The following COL1A2 variants were observed in gnomAD, a reference collection of about 807,000 sequenced individuals.
COL1A2 encodes the protein collagen type I alpha 2 chain, also known as collagen alpha-2(I) chain.
Under a neutral mutation model 174.3 loss-of-function variants are expected in COL1A2, and 49 were observed. The ratio of observed to expected loss-of-function variants is 0.28; its 90% CI spans 0.22 to 0.36. COL1A2 has a LOEUF of 0.36. Ranked by LOEUF, COL1A2 falls within the 10% of genes least tolerant of loss-of-function variation. The pLI is 1.00. For missense variants in COL1A2, 1,438 were observed against 1,822.7 expected (o/e 0.79, Z 3.84); for synonymous variants, 655 against 606.6 (o/e 1.08, Z -1.17).
chr7:94,412,641 G>C lies in COL1A2; in HGVS notation c.1462G>C (p.Glu488Gln). 2.5e-6 allele frequency: 4 copies of C among 1,614,158 alleles called. No individual in the cohort carries two copies. Among genetic ancestry groups the C allele is most frequent in the Non-Finnish European group, 3.4e-6 (4 of 1,180,042 alleles). Residue 488 changes from glutamate to glutamine, a missense_variant, in exon 25 of 52, where the codon GAG becomes CAG. Around this residue, in one of 3 missense-constraint regions of COL1A2, gnomAD observed 867 missense variants for 1,213.7 expected, o/e 0.71. Coordinates refer to ENST00000297268, the MANE Select transcript of COL1A2 (RefSeq NM_000089.4). The stretch of plus-strand genomic sequence containing the variant: ...AATTGGCCCAGCTGGAGCAAGAGGA[G>C]AGCCTGGCAACATTGGATTCCCTGG... ...GPIGPAGARG[E>Q]PGNIGFPGPK...
At chr7:94,398,418 A>G in intron 3 of COL1A2, 22 bp downstream of exon 3, 1 of 911,470 alleles carries the variant, frequency 1.1e-6, no homozygotes, top group Non-Finnish European at 1.6e-6. Flanking sequence ...CTACTTCTCC[A>G]TAAATATCTA....
At position 94,406,121 on chromosome 7, in the gene COL1A2, C is replaced by T. The variant is rs17073; in HGVS notation, c.541-129C>T. The T allele has an allele frequency of 0.092, 85,063 of 926,898 alleles. 4,578 individuals carry two copies. Among genetic ancestry groups the T allele is most frequent in the Middle Eastern group, 0.13 (601 of 4,726 alleles). The allele number at this position is 926,898 out of a possible 1,614,324, so 57.4% of individuals were successfully genotyped here. ...ACTGAGTTTGCTGGGACCTGGAACA[C>T]TGGACTTCTTTCTACTGCAGCAGAC... On this transcript the variant is annotated intron_variant, in intron 11 of 51. Coordinates refer to ENST00000297268, the MANE Select transcript of COL1A2 (RefSeq NM_000089.4).
At chr7:94,427,358 T>G (rs1490448722) in intron 48 of COL1A2, 63 bp downstream of exon 48, 4 of 1,454,840 alleles carry the variant, frequency 2.7e-6, no homozygotes, top group Non-Finnish European at 3.8e-6. Context: ...TTCTTCAGAC[T>G]AAACCAAGAC....
intron 33 of COL1A2, among the ~76,000 whole-genome samples, chr7:94,419,190 C>A (rs1792101716): frequency 6.6e-6 from 1 of 151,320 alleles, no homozygotes; most frequent in South Asian, 2.1e-4. Flanking sequence ...CAGTTTCAAA[C>A]AAGGCTACTC....
At chr7:94,420,497 G>C (rs770075101) in intron 36 of COL1A2, 44 bp from the exon 37 acceptor site, 1 of 1,614,084 alleles carries the variant, frequency 6.2e-7, no homozygotes, top group Non-Finnish European at 8.5e-7. Context: ...TTGGGGAGTA[G>C]AGTGGGTCGG....
chr7:94,399,909 A>T (rs1389040288), intron 4 of COL1A2, among the ~76,000 whole-genome samples: 1 of 152,198 alleles, frequency 6.6e-6, no homozygotes, highest in Non-Finnish European at 1.5e-5. Flanking sequence ...GTGGAACCAT[A>T]CATTTTGGCT....
At chr7:94,403,648 C>A (rs552585144) in intron 6 of COL1A2, among the ~76,000 whole-genome samples, 2 of 152,060 alleles carry the variant, frequency 1.3e-5, no homozygotes, top group East Asian at 3.9e-4. Flanking sequence ...TAGATAAAAT[C>A]CATGTTATTT....
intron 29 of COL1A2, 149 bp downstream of exon 29, chr7:94,414,424 T>C (rs930605356): frequency 2.9e-5 from 22 of 770,038 alleles, no homozygotes; most frequent in Non-Finnish European, 4.6e-5. Context: ...TTGGTGCTGA[T>C]GGAGAGAATG....
At chr7:94,406,823 G>A (rs1791810240) in intron 12 of COL1A2, among the ~76,000 whole-genome samples, 1 of 152,108 alleles carries the variant, frequency 6.6e-6, no homozygotes, top group South Asian at 2.1e-4. Flanking sequence ...CTCTGACAGC[G>A]TTTTCAACTA....
At chr7:94,412,167 C>T in intron 24 of COL1A2, 46 bp downstream of exon 24, 1 of 1,505,212 alleles carries the variant, frequency 6.6e-7, no homozygotes, top group Non-Finnish European at 9.2e-7. Flanking sequence ...ACACTTATTG[C>T]ACCCTTATCA....
At chr7:94,410,176 G>T in intron 19 of COL1A2, 66 bp from the exon 20 acceptor site, 1 of 1,504,056 alleles carries the variant, frequency 6.6e-7, no homozygotes, top group African/African-American at 1.4e-5. Context: ...TATTCTAAGA[G>T]ATTTGTCTGC....
chr7:94,395,091 A>G lies in COL1A2; in HGVS notation c.60A>G (p.Ala20=), dbSNP rs779022418. The change falls in exon 1 of 52, where the codon GCA becomes GCG. Residue 20 remains alanine (A), a synonymous_variant. Transcript: ENST00000297268. ...TGCTTGCAGTAACCTTATGCCTAGC[A>G]ACATGCCAATGTAAGTGCCTTCAGC... ...LLLLAVTLCL[A]TCQSLQEETV... is the part of the protein sequence containing the mutation. The G allele has an allele frequency of 6.2e-7, 1 of 1,613,906 alleles. No homozygotes were observed. Among genetic ancestry groups the G allele is most frequent in the Admixed American group, 1.7e-5 (1 of 59,990 alleles).
intron 33 of COL1A2, 169 bp from the exon 34 acceptor site, chr7:94,419,329 A>G: frequency 1.4e-6 from 1 of 737,830 alleles, no homozygotes. Context: ...AGTGGCTTCT[A>G]ATAGTCTTGT....
rs1459939828 is a variant in COL1A2 at position 94,411,172 on chromosome 7, T to A, written c.1350+18T>A. ...GACCCAGAGTAAGTTTCAAACTGAT[T>A]CTGAGCAAATCACACCTGGCATTAC... is the stretch of plus-strand genomic sequence containing the variant. On this transcript the variant is annotated intron_variant, in intron 23 of 51. Transcript: ENST00000297268. 1.3e-6 allele frequency: 2 copies of A among 1,531,090 alleles called. No individual in the cohort carries two copies. Among genetic ancestry groups the A allele is most frequent in the Non-Finnish European group, 1.8e-6 (2 of 1,125,228 alleles). 94.8% of individuals were successfully genotyped at this position (1,531,090 alleles called of 1,614,324 possible).
chr7:94,404,276 T>C (rs1340884579), intron 6 of COL1A2, among the ~76,000 whole-genome samples: 1 of 152,202 alleles, frequency 6.6e-6, no homozygotes, highest in Admixed American at 6.5e-5. Context: ...CTTCATTGCA[T>C]CAGAACAATC....
chr7:94,402,503 A>G (rs1422847866), intron 6 of COL1A2, among the ~76,000 whole-genome samples: 1 of 152,054 alleles, frequency 6.6e-6, no homozygotes, highest in African/African-American at 2.4e-5. Context: ...GCTTAGAAAC[A>G]TTCCCTATAT....
rs759489785 is a variant in COL1A2, at chr7:94,399,093, T to C, written c.132+9T>C. ...GACCACGTGGAGAAAGGGTGTGTAA[T>C]TTTTGAACTATAAAGGGCTTCGTCC... On this transcript the variant is annotated intron_variant, in intron 4 of 51. Transcript: ENST00000297268. 3.1e-6 allele frequency: 5 copies of C among 1,613,352 alleles called. No homozygotes were observed. The South Asian group carries it at 4.4e-5, about 14-fold the overall frequency.
intron 5 of COL1A2, 42 bp downstream of exon 5, chr7:94,400,330 T>C: frequency 3.9e-6 from 6 of 1,521,714 alleles, no homozygotes; most frequent in Non-Finnish European, 5.5e-6. Context: ...CTAACTTCAG[T>C]TGAAAGAAGG....
At position 94,424,983 on chromosome 7, in the gene COL1A2, AT is replaced by A. The variant is rs1792243804; in HGVS notation, c.2674-132del. ...GATGATACTAATGATACTTCTTACCATTGTGTGACCCATTCACATTCAATTT... is the reference window on the plus strand; with the variant it reads ...GATGATACTAATGATACTTCTTACCATGTGTGACCCATTCACATTCAATTT... On this transcript the variant is annotated intron_variant, in intron 41 of 51. Transcript: ENST00000297268. 11 of 756,990 alleles carry A rather than the reference AT, an allele frequency of 1.5e-5. No individual in the cohort carries two copies. The East Asian group carries it at 3.0e-4, about 20-fold the overall frequency. 46.9% of individuals were successfully genotyped at this position (756,990 alleles called of 1,614,324 possible). A position where few individuals can be genotyped will look rare whatever the true frequency, so the allele number is the denominator to read the frequency against.
Sources: gnomAD v4.1 joint callset for allele counts (sites outside exome capture counted in the v4.1 genomes callset) on GRCh38, gnomAD v4.1.1 for gene constraint, gnomAD v4.1.1 regional missense constraint, MANE v1.5 for transcripts, NCBI Gene and HGNC (gene_info 2026-07-23, HGNC 2026-07-21) for gene names.